Variants in BAZ2B observed in about 807,000 individuals in gnomAD.
BAZ2B encodes bromodomain adjacent to zinc finger domain protein 2B.
Under a neutral mutation model 246.0 loss-of-function variants are expected in BAZ2B, and 91 were observed. That is an observed-to-expected ratio of 0.37 (90% CI 0.31 to 0.44). The LOEUF (loss-of-function observed/expected upper bound fraction) is 0.44, where lower values mean the gene tolerates loss of function less well. Ranked by LOEUF, BAZ2B falls within the 20% of genes least tolerant of loss-of-function variation. The probability of loss-of-function intolerance (pLI) is 1.00; values close to 1 mark genes in which losing one functional copy is unlikely to be tolerated. For synonymous variants in BAZ2B, 855 were observed against 860.0 expected, an observed-to-expected ratio of 0.99 and a Z score of 0.10; for missense variants, 2,332 against 2,533.7, an observed-to-expected ratio of 0.92 and a Z score of 1.71.
intron 3 of BAZ2B, among the ~76,000 whole-genome samples, chr2:159,457,036 T>TAA (rs2075861298): frequency 6.6e-6 from 1 of 152,198 alleles, no homozygotes; most frequent in African/African-American, 2.4e-5. Flanking sequence ...GCTATATATA[T>TAA]AATTTTAATA....
At chr2:159,371,174 G>A (rs1038597031) in intron 27 of BAZ2B, among the ~76,000 whole-genome samples, 2 of 151,660 alleles carry the variant, frequency 1.3e-5, no homozygotes, top group East Asian at 2.0e-4. Flanking sequence ...GACAGGGCCC[G>A]CTCTGCCACC....
chr2:159,684,864 C>T, the BAZ2B span, among the ~76,000 whole-genome samples: 1 of 152,100 alleles, frequency 6.6e-6, no homozygotes, highest in Non-Finnish European at 1.5e-5. Flanking sequence ...TTTCATATAT[C>T]ATAGATCAAA....
Position 159,438,386 on chromosome 2 carries a change from G to T in BAZ2B, c.1210C>A (p.Pro404Thr). The change falls in exon 8 of 37, where the codon CCT (proline) becomes ACT (threonine). Residue 404 changes from proline (P) to threonine (T), a missense_variant. By Grantham distance (38) the Pro-to-Thr change is conservative. Transcript: ENST00000392783. ...KKETYMKLIVPSPDVLKAGNK... is the reference protein window; with the variant it reads ...KKETYMKLIVTSPDVLKAGNK... ...CCTGCTTTAAGAACATCAGGAGAAG[G>T]AACTATGAGTTTCATGTAAGTTTCC... is the stretch of plus-strand genomic sequence containing the variant. The T allele has an allele frequency of 6.2e-7, 1 of 1,614,092 alleles. No homozygotes were observed. Among genetic ancestry groups the T allele is most frequent in the South Asian group, 1.1e-5 (1 of 91,068 alleles).
intron 2 of BAZ2B, among the ~76,000 whole-genome samples, chr2:159,511,370 A>AT (rs1401598338): frequency 6.6e-6 from 1 of 151,802 alleles, no homozygotes; most frequent in African/African-American, 2.4e-5. Context: ...CACCCGGCTA[A>AT]TTTTTTTGTA....
At chr2:159,631,277 ACT>A in the BAZ2B span, among the ~76,000 whole-genome samples, 58 of 152,150 alleles carry the variant, frequency 3.8e-4, no homozygotes, top group East Asian at 9.8e-3. Context: ...TTGCATAAAA[ACT>A]CTGTGATACT....
chr2:159,495,704 T>G (rs1374799009), intron 2 of BAZ2B, among the ~76,000 whole-genome samples: 1 of 152,018 alleles, frequency 6.6e-6, no homozygotes, highest in Middle Eastern at 3.2e-3. Context: ...CATGGTAGTG[T>G]TGGAGTAAAA....
chr2:159,705,487 A>G, the BAZ2B span, among the ~76,000 whole-genome samples: 27 of 152,388 alleles, frequency 1.8e-4, no homozygotes, highest in Middle Eastern at 3.4e-3. Flanking sequence ...CCAGAAATAT[A>G]TTCAGCATAA....
At chr2:159,650,809 G>A in the BAZ2B span, among the ~76,000 whole-genome samples, 1 of 152,098 alleles carries the variant, frequency 6.6e-6, no homozygotes, top group African/African-American at 2.4e-5. Flanking sequence ...ACAGAGCCTG[G>A]AAAGTCTCTC....
At chr2:159,708,695 C>A in the BAZ2B span, among the ~76,000 whole-genome samples, 1 of 152,022 alleles carries the variant, frequency 6.6e-6, no homozygotes, top group African/African-American at 2.4e-5. Context: ...CTGCCTCAGC[C>A]TCCCAAGTAG....
chr2:159,493,074 CT>C (rs1277204330), intron 2 of BAZ2B, among the ~76,000 whole-genome samples: 3 of 151,950 alleles, frequency 2.0e-5, no homozygotes, highest in Non-Finnish European at 4.4e-5. Context: ...GTGGTTATAC[CT>C]TCAACTAGAC....
the BAZ2B span, among the ~76,000 whole-genome samples, chr2:159,654,195 T>G: frequency 6.6e-6 from 1 of 152,296 alleles, no homozygotes; most frequent in South Asian, 2.1e-4. Context: ...GTTTCCCAAC[T>G]GCACGGAGTA....
rs142737944 is a variant in BAZ2B, at chr2:159,411,952, A to G, written c.2677+383T>C. 29 of 985,408 alleles carry G rather than the reference A, an allele frequency of 2.9e-5. No homozygotes were observed. The East Asian group carries it at 3.1e-3, about 104-fold the overall frequency. 61.0% of individuals were successfully genotyped at this position (985,408 alleles called of 1,614,324 possible). ...CTGAAAATTTACTCCACAGATCCAC[A>G]TATTTTGGAGTTATTCCCATGTACC... On this transcript the variant is annotated intron_variant, in intron 14 of 36. Transcript: ENST00000392783.
intron 2 of BAZ2B, among the ~76,000 whole-genome samples, chr2:159,501,030 G>C (rs1374097388): frequency 7.0e-6 from 1 of 143,652 alleles, no homozygotes; most frequent in Non-Finnish European, 1.5e-5. Context: ...AGAACTTTGG[G>C]AGGCTGAGGC....
chr2:159,709,541 G>T, the BAZ2B span, among the ~76,000 whole-genome samples: 13 of 152,132 alleles, frequency 8.5e-5, no homozygotes, highest in Non-Finnish European at 1.5e-5. Context: ...TTCTATGTAT[G>T]TAACAAAATA....
chr2:159,406,686 A>G (rs909489798), intron 14 of BAZ2B, among the ~76,000 whole-genome samples: 1 of 152,200 alleles, frequency 6.6e-6, no homozygotes, highest in Non-Finnish European at 1.5e-5. Context: ...TAACACGTGA[A>G]TCACTTGAGC....
intron 3 of BAZ2B, among the ~76,000 whole-genome samples, chr2:159,473,864 T>C (rs983612236): frequency 6.6e-6 from 1 of 152,180 alleles, no homozygotes; most frequent in Admixed American, 6.5e-5. Context: ...CATGCAGTTG[T>C]GTGGTTTTGG....
At chr2:159,368,874 A>C (rs1197406158) in intron 27 of BAZ2B, among the ~76,000 whole-genome samples, 2 of 151,194 alleles carry the variant, frequency 1.3e-5, no homozygotes, top group East Asian at 1.9e-4. Flanking sequence ...AAAAAAAAAA[A>C]AAAAAAAAAC....
chr2:159,324,784 T>C lies in BAZ2B; in HGVS notation c.6353+27A>G, dbSNP rs776324386. ...GCATATATCAGGTATTCAATAAATA[T>C]TTAGTGAACTGAAATGATTTACTTA... On this transcript the variant is annotated intron_variant, in intron 36 of 36. Coordinates refer to ENST00000392783, the MANE Select transcript of BAZ2B (RefSeq NM_013450.4). 25 of 1,431,196 alleles carry C rather than the reference T, an allele frequency of 1.7e-5. No homozygotes were observed. The East Asian group carries it at 5.0e-4, about 28-fold the overall frequency. 88.7% of individuals were successfully genotyped at this position (1,431,196 alleles called of 1,614,324 possible).
At chr2:159,532,113 T>C (rs2085439287) in intron 2 of BAZ2B, among the ~76,000 whole-genome samples, 1 of 152,172 alleles carries the variant, frequency 6.6e-6, no homozygotes, top group Non-Finnish European at 1.5e-5. Context: ...AATATTTTAT[T>C]TCCTTAGAAA....
Sources: allele counts gnomAD v4.1 joint callset (sites outside exome capture counted in the v4.1 genomes callset), GRCh38; gene constraint gnomAD v4.1.1; transcripts MANE v1.5; gene names NCBI Gene and HGNC (gene_info 2026-07-23, HGNC 2026-07-21).